ZNF469: variants seen among roughly 807,000 people sequenced by gnomAD.
The protein encoded by ZNF469 is zinc finger protein 469.
Under a neutral mutation model 1.0 loss-of-function variants are expected in ZNF469, and 1 was observed. That is an observed-to-expected ratio of 1.00 (90% CI 0.35 to 4.73). The LOEUF is 4.73. Among genes scored for constraint, ZNF469 ranks in the 30% most tolerant of loss-of-function variants. The pLI is 0.16. For missense variants in ZNF469, 6,100 were observed against 5,356.3 expected, an observed-to-expected ratio of 1.14 and a Z score of -4.33; for synonymous variants, 2,703 against 2,363.4, an observed-to-expected ratio of 1.14 and a Z score of -4.17.
At chr16:88,365,201 T>C in the ZNF469 span, among the ~76,000 whole-genome samples, 1 of 152,220 alleles carries the variant, frequency 6.6e-6, no homozygotes, top group African/African-American at 2.4e-5. Context: ...AATTTTCCTG[T>C]CTGCAGGATG....
intron 1 of ZNF469, among the ~76,000 whole-genome samples, chr16:88,416,666 A>G (rs1350554883): frequency 1.3e-5 from 2 of 152,212 alleles, no homozygotes; most frequent in African/African-American, 2.4e-5. Flanking sequence ...GAAAATAACT[A>G]GGGTTTCTAG....
the ZNF469 span, among the ~76,000 whole-genome samples, chr16:88,314,203 T>C: frequency 1.8e-4 from 22 of 124,512 alleles, no homozygotes; most frequent in Middle Eastern, 4.2e-3. Flanking sequence ...ATTCAGGCAG[T>C]GCTGGTGTGG....
the ZNF469 span, among the ~76,000 whole-genome samples, chr16:88,153,383 C>G: frequency 6.6e-6 from 1 of 152,248 alleles, no homozygotes; most frequent in Non-Finnish European, 1.5e-5. Flanking sequence ...TCTCCGTTGT[C>G]TCTTCCGATG....
chr16:88,315,756 T>C, the ZNF469 span, among the ~76,000 whole-genome samples: 2 of 152,168 alleles, frequency 1.3e-5, no homozygotes, highest in African/African-American at 4.8e-5. Context: ...CTCGACCTCC[T>C]GGCCTGGGTT....
the ZNF469 span, among the ~76,000 whole-genome samples, chr16:88,176,189 T>A: frequency 9.9e-5 from 15 of 150,802 alleles, no homozygotes; most frequent in African/African-American, 2.7e-4. Flanking sequence ...ATGGGGATCC[T>A]GAGTTATTAG....
chr16:88,372,021 C>A, the ZNF469 span, among the ~76,000 whole-genome samples: 6 of 149,308 alleles, frequency 4.0e-5, no homozygotes, highest in African/African-American at 1.5e-4. Flanking sequence ...TCACCATCAC[C>A]ATCATCACCA....
At chr16:88,399,440 C>T (rs992440017) in intron 1 of ZNF469, among the ~76,000 whole-genome samples, 15 of 152,246 alleles carry the variant, frequency 9.9e-5, no homozygotes, top group African/African-American at 3.1e-4. Context: ...TTAAACTGGG[C>T]CTGTGGGCCC....
chr16:88,143,352 GAGCGGGGTGGAGCGCCT>G, the ZNF469 span, among the ~76,000 whole-genome samples: 2 of 152,244 alleles, frequency 1.3e-5, no homozygotes, highest in East Asian at 1.9e-4. Context: ...GCACCACTCA[GAGCGGGGTGGAGCGCCT>G]AGCGGGGTGG....
the ZNF469 span, among the ~76,000 whole-genome samples, chr16:88,117,224 TCGTGTGAGAGCTGGGGA>T: frequency 1.2e-3 from 174 of 139,490 alleles, no homozygotes; most frequent in African/African-American, 4.3e-3. Flanking sequence ...AGAGCTGGGG[TCGTGTGAGAGCTGGGGA>T]CGTGTGAGAG....
rs747984776 is a variant in ZNF469 at position 88,429,449 on chromosome 16, A to G, written c.1979A>G (p.His660Arg). 4 of 613,566 alleles carry G rather than the reference A, an allele frequency of 6.5e-6. No individual in the cohort carries two copies. Among genetic ancestry groups the G allele is most frequent in the Non-Finnish European group, 9.0e-6 (4 of 445,128 alleles). 38.0% of individuals were successfully genotyped at this position (613,566 alleles called of 1,614,324 possible). A position where few individuals can be genotyped will look rare whatever the true frequency, so the allele number is the denominator to read the frequency against. The stretch of plus-strand genomic sequence containing the variant: ...GAGCCCCCCCACTCCCTCCCCACCC[A>G]CTACCAGCCAGAGCCAGCCAAGGCC... ...SPEPPHSLPT[H>R]YQPEPAKAFP... Residue 660 changes from histidine to arginine, a missense_variant, in exon 3 of 3, where the codon CAC (histidine) becomes CGC (arginine). Transcript: ENST00000565624.
chr16:88,132,025 C>T, the ZNF469 span, among the ~76,000 whole-genome samples: 4 of 152,344 alleles, frequency 2.6e-5, no homozygotes, highest in South Asian at 6.2e-4. Flanking sequence ...TGGGCAGCGG[C>T]AGGACGGCAC....
At chr16:88,107,594 T>G in the ZNF469 span, among the ~76,000 whole-genome samples, 822 of 152,322 alleles carry the variant, frequency 5.4e-3, 4 homozygotes, top group African/African-American at 0.018. Context: ...CAGCACTGCC[T>G]GTGGCTGAGG....
At chr16:88,144,097 G>A in the ZNF469 span, among the ~76,000 whole-genome samples, 10 of 152,226 alleles carry the variant, frequency 6.6e-5, no homozygotes, top group Non-Finnish European at 1.3e-4. Context: ...CACCCCAGAG[G>A]AGGGGATGGA....
chr16:88,184,574 G>T, the ZNF469 span, among the ~76,000 whole-genome samples: 8 of 151,894 alleles, frequency 5.3e-5, no homozygotes, highest in Admixed American at 5.2e-4. Context: ...AGGTGTGGAC[G>T]CCCGCGCCAC....
the ZNF469 span, among the ~76,000 whole-genome samples, chr16:88,252,129 A>C: frequency 2.6e-4 from 36 of 139,692 alleles, no homozygotes; most frequent in African/African-American, 8.6e-4. Flanking sequence ...GCACTCATTT[A>C]AAAAGGCAGC....
chr16:88,366,356 C>T, the ZNF469 span, among the ~76,000 whole-genome samples: 1 of 150,370 alleles, frequency 6.7e-6, no homozygotes, highest in African/African-American at 2.5e-5. Context: ...ATCATCATCA[C>T]CACCATCACC....
At chr16:88,176,950 C>T in the ZNF469 span, among the ~76,000 whole-genome samples, 7 of 152,314 alleles carry the variant, frequency 4.6e-5, no homozygotes, top group South Asian at 1.0e-3. Context: ...GGGCGTAGCT[C>T]GTGTGTCTGT....
At chr16:88,180,879 C>T in the ZNF469 span, among the ~76,000 whole-genome samples, 2 of 152,118 alleles carry the variant, frequency 1.3e-5, no homozygotes, top group Non-Finnish European at 2.9e-5. Context: ...ACATGGATCA[C>T]AAAGTAAAGA....
chr16:88,150,224 C>T, the ZNF469 span, among the ~76,000 whole-genome samples: 2 of 152,100 alleles, frequency 1.3e-5, no homozygotes, highest in Non-Finnish European at 2.9e-5. Context: ...GCAGAAGAAT[C>T]GCTTGAACCC....
Sources: allele counts gnomAD v4.1 joint callset (sites outside exome capture counted in the v4.1 genomes callset), GRCh38; gene constraint gnomAD v4.1.1; transcripts MANE v1.5; gene names NCBI Gene and HGNC (gene_info 2026-07-23, HGNC 2026-07-21).